Variants in PSORS1C1 observed in about 807,000 individuals in gnomAD.
PSORS1C1 encodes the protein psoriasis susceptibility 1 candidate gene 1 protein.
Under a neutral mutation model 9.4 loss-of-function variants are expected in PSORS1C1, and 7 were observed. The observed-to-expected ratio is 0.75, with a 90% confidence interval of 0.42 to 1.40. PSORS1C1 has a LOEUF of 1.40. PSORS1C1 is among the 40% of genes most tolerant of loss of function. The pLI is 0.01. For missense variants in PSORS1C1, 146 were observed against 178.1 expected (o/e 0.82, Z 1.02); for synonymous variants, 63 against 69.4 (o/e 0.91, Z 0.46).
Position 31,139,873 on chromosome 6 carries a change from A to G in PSORS1C1, c.400A>G (p.Thr134Ala). The G allele has an allele frequency of 6.2e-7, 1 of 1,612,616 alleles. No individual in the cohort carries two copies. Among genetic ancestry groups the G allele is most frequent in the Non-Finnish European group, 8.5e-7 (1 of 1,179,880 alleles). ...ATCCGCCTCTAGGACCTTGGCTCCA[A>G]CTCTATTGTACTCGTCTCCTCCCTC... ...HLSASRTLAP[T>A]LLYSSPPSHS... The change falls in exon 6 of 6, where the codon ACT (threonine) becomes GCT (alanine). Residue 134 changes from threonine to alanine, a missense_variant. Coordinates refer to ENST00000259881, the MANE Select transcript of PSORS1C1 (RefSeq NM_014068.3). The surrounding 1 kb of genome is among the most constrained non-coding windows in gnomAD (Gnocchi z 5.2).
At chr6:31,133,197 T>C (rs3130562) in intron 3 of PSORS1C1, among the ~76,000 whole-genome samples, 11,786 of 151,764 alleles carry the variant, frequency 0.078, 646 homozygotes, top group Non-Finnish European at 0.12. Context: ...ACACAGTCCC[T>C]GCCCCACAAG....
intron 1 of PSORS1C1, among the ~76,000 whole-genome samples, chr6:31,121,470 C>T (rs1384066079): frequency 6.6e-6 from 1 of 152,196 alleles, no homozygotes; most frequent in African/African-American, 2.4e-5. Context: ...CCAGGAGAAC[C>T]GGAGCCCTGC....
At position 31,139,317 on chromosome 6, in the gene PSORS1C1, G is replaced by A. The variant is rs561741076; in HGVS notation, c.168-324G>A. On this transcript the variant is annotated intron_variant, in intron 5 of 5. Transcript: ENST00000259881. The surrounding 1 kb of genome is among the most constrained non-coding windows in gnomAD (Gnocchi z 5.2). ...TCACACCCTCCATCCACATCCTGGAGCAGTCAATACCCACTTGGCATCTCC... is the reference window on the plus strand; with the variant it reads ...TCACACCCTCCATCCACATCCTGGAACAGTCAATACCCACTTGGCATCTCC... 204 of 583,422 alleles carry A rather than the reference G, an allele frequency of 3.5e-4. 2 individuals carry two copies. The highest frequency in any genetic ancestry group is 3.5e-3 in the African/African-American group (187 of 53,756). The allele number at this position is 583,422 out of a possible 1,614,324, so 36.1% of individuals were successfully genotyped here.
chr6:31,139,074 T>C lies in PSORS1C1; in HGVS notation c.167+295T>C. 2 of 1,551,048 alleles carry C rather than the reference T, an allele frequency of 1.3e-6. No homozygotes were observed. Among genetic ancestry groups the C allele is most frequent in the Non-Finnish European group, 8.9e-7 (1 of 1,123,406 alleles). ...CTGGGGTGGGCTGAGTCTGGGTGCC[T>C]GGGAACCCCAAGAGGCTTTATAGGG... is the stretch of plus-strand genomic sequence containing the variant. On this transcript the variant is annotated intron_variant, in intron 5 of 5. Transcript: ENST00000259881. The surrounding 1 kb of genome is among the most constrained non-coding windows in gnomAD (Gnocchi z 5.2).
At chr6:31,126,968 CCT>C (rs1772708646) in intron 2 of PSORS1C1, among the ~76,000 whole-genome samples, 2 of 152,204 alleles carry the variant, frequency 1.3e-5, no homozygotes, top group Non-Finnish European at 2.9e-5. Flanking sequence ...AGACTGTTCC[CCT>C]CTCTGTCCTG....
chr6:31,116,929 C>G, intron 1 of PSORS1C1: 1 of 1,614,160 alleles, frequency 6.2e-7, no homozygotes, highest in Non-Finnish European at 8.5e-7. Context: ...GATGGGCCCT[C>G]CACTGCAGGG....
intron 1 of PSORS1C1, among the ~76,000 whole-genome samples, chr6:31,121,438 G>A (rs1772458018): frequency 6.6e-6 from 1 of 152,216 alleles, no homozygotes; most frequent in African/African-American, 2.4e-5. Context: ...AGGCTCCCGG[G>A]TCCTCAAAGG....
chr6:31,125,565 A>G (rs762975461), intron 1 of PSORS1C1, 111 bp from the exon 2 acceptor site: 3 of 152,246 alleles, frequency 2.0e-5, no homozygotes, highest in Non-Finnish European at 4.4e-5. Context: ...GACCCTCCTC[A>G]GCCCAGGTGC....
At position 31,140,057 on chromosome 6, in the gene PSORS1C1, C is replaced by A; in HGVS notation, c.*125C>A. The A allele has an allele frequency of 1.2e-6, 1 of 863,140 alleles. No homozygotes were observed. The highest frequency in any genetic ancestry group is 1.7e-5 in the African/African-American group (1 of 59,588). 53.5% of individuals were successfully genotyped at this position (863,140 alleles called of 1,614,324 possible). On this transcript the variant is annotated 3_prime_UTR_variant, in exon 6 of 6. Transcript: ENST00000259881. This position sits in a 1 kb window ranked among gnomAD's most constrained non-coding sequence, Gnocchi z 4.6. The stretch of plus-strand genomic sequence containing the variant: ...CCTCCCAGGTTGTTCCCTGCCTGGT[C>A]CGCTACCCCACAGTAAGGAACACCT...
intron 3 of PSORS1C1, chr6:31,137,631 G>A (rs1192552759): frequency 8.8e-6 from 3 of 340,070 alleles, no homozygotes; most frequent in East Asian, 4.5e-5. Context: ...AGGGAACACA[G>A]TACCATAGCC....
At chr6:31,136,990 A>T (rs1317877702) in intron 3 of PSORS1C1, among the ~76,000 whole-genome samples, 6 of 151,702 alleles carry the variant, frequency 4.0e-5, no homozygotes, top group Non-Finnish European at 7.4e-5. Flanking sequence ...CTCTACTAAA[A>T]TACAAAAATT....
rs3132555 is a variant in PSORS1C1, at chr6:31,115,133, C to G, written c.-229+242C>G. On this transcript the variant is annotated intron_variant, in intron 1 of 5. Transcript: ENST00000259881. This position sits in a 1 kb window ranked among gnomAD's most constrained non-coding sequence, Gnocchi z 4.2. ...TTATTGTCTTCCTCCTCTGTGGGAG[C>G]AGCTGGAAGGTAGAAGAGAAACACA... 0.77 allele frequency: 265,301 copies of G among 344,528 alleles called. 103,265 individuals are homozygous for G. The highest frequency in any genetic ancestry group is 0.9 in the African/African-American group (41,701 of 46,458). The allele number at this position is 344,528 out of a possible 1,614,324, so 21.3% of individuals were successfully genotyped here. A position where few individuals can be genotyped will look rare whatever the true frequency, so the allele number is the denominator to read the frequency against.
rs1365779891 is a variant in PSORS1C1 at position 31,128,727 on chromosome 6, C to A, written c.-64-842C>A. On this transcript the variant is annotated intron_variant, in intron 2 of 5. Coordinates refer to ENST00000259881, the MANE Select transcript of PSORS1C1 (RefSeq NM_014068.3). This position sits in a 1 kb window ranked among gnomAD's most constrained non-coding sequence, Gnocchi z 4.3. ...ACAGTAAGAGAGCTTAAGTTTATAC[C>A]AAAGCGAGTCTTGGGTCTAATAATT... Among the ~76,000 whole-genome samples the A allele has an allele frequency of 1.3e-5, 2 of 152,138 alleles. No individual in the cohort carries two copies. The highest frequency in any genetic ancestry group is 2.4e-5 in the African/African-American group (1 of 41,424).
intron 1 of PSORS1C1, chr6:31,116,301 T>A: frequency 1.2e-6 from 2 of 1,613,948 alleles, no homozygotes; most frequent in Non-Finnish European, 1.7e-6. Flanking sequence ...TGCCACTGGA[T>A]TGGGAACTGG....
chr6:31,139,080 C>T lies in PSORS1C1; in HGVS notation c.167+301C>T, dbSNP rs753721979. 9 of 1,513,466 alleles carry T rather than the reference C, an allele frequency of 5.9e-6. No homozygotes were observed. Among genetic ancestry groups the T allele is most frequent in the Non-Finnish European group, 8.3e-6 (9 of 1,089,660 alleles). 93.8% of individuals were successfully genotyped at this position (1,513,466 alleles called of 1,614,324 possible). A position where few individuals can be genotyped will look rare whatever the true frequency, so the allele number is the denominator to read the frequency against. On this transcript the variant is annotated intron_variant, in intron 5 of 5. Transcript: ENST00000259881. The surrounding 1 kb of genome is among the most constrained non-coding windows in gnomAD (Gnocchi z 5.2). Reference sequence around the variant, plus strand: ...TGGGCTGAGTCTGGGTGCCTGGGAACCCCAAGAGGCTTTATAGGGGAGGAG... The same window carrying T: ...TGGGCTGAGTCTGGGTGCCTGGGAATCCCAAGAGGCTTTATAGGGGAGGAG...
At chr6:31,133,297 G>A (rs1413991460) in intron 3 of PSORS1C1, among the ~76,000 whole-genome samples, 1 of 152,118 alleles carries the variant, frequency 6.6e-6, no homozygotes, top group African/African-American at 2.4e-5. Flanking sequence ...GGTGGGGTGC[G>A]GGAAGGAGTG....
At chr6:31,136,082 A>G (rs1294120784) in intron 3 of PSORS1C1, among the ~76,000 whole-genome samples, 2 of 151,078 alleles carry the variant, frequency 1.3e-5, no homozygotes, top group Non-Finnish European at 3.0e-5. Context: ...CATGAAAAGT[A>G]ACTTATTGAA....
rs1441306474 is a variant in PSORS1C1 at position 31,116,527 on chromosome 6, G to A, written c.-229+1636G>A. The stretch of plus-strand genomic sequence containing the variant: ...TGGCTGGAATGCAATGGCCGAGGAA[G>A]CTGCCGACTGGCTGGGGATGATGGG... On this transcript the variant is annotated intron_variant, in intron 1 of 5. Coordinates refer to ENST00000259881, the MANE Select transcript of PSORS1C1 (RefSeq NM_014068.3). The A allele has an allele frequency of 1.9e-6, 3 of 1,613,416 alleles. No individual in the cohort carries two copies. In the African/African-American group the frequency reaches 4.0e-5, roughly 22 times the overall value.
chr6:31,139,402 C>A lies in PSORS1C1; in HGVS notation c.168-239C>A, dbSNP rs1773332735. On this transcript the variant is annotated intron_variant, in intron 5 of 5. Transcript: ENST00000259881. This position sits in a 1 kb window ranked among gnomAD's most constrained non-coding sequence, Gnocchi z 5.2. Reference sequence around the variant, plus strand: ...ACTATTGGAAGCCAAAGAATGGGAGCAAACCACGCGATGGGCGTTGGGAAG... The same window carrying A: ...ACTATTGGAAGCCAAAGAATGGGAGAAAACCACGCGATGGGCGTTGGGAAG... 1 of 595,008 alleles carries A rather than the reference C, an allele frequency of 1.7e-6. No homozygotes were observed. Among genetic ancestry groups the A allele is most frequent in the Non-Finnish European group, 3.0e-6 (1 of 334,356 alleles). 36.9% of individuals were successfully genotyped at this position (595,008 alleles called of 1,614,324 possible).
Sources: allele counts gnomAD v4.1 joint callset (sites outside exome capture counted in the v4.1 genomes callset), GRCh38; gene constraint gnomAD v4.1.1; non-coding constraint Gnocchi (gnomAD v3.1); transcripts MANE v1.5; gene names NCBI Gene and HGNC (gene_info 2026-07-23, HGNC 2026-07-21).